The following EDC3 variants were observed in gnomAD, a reference collection of about 807,000 sequenced individuals.
The protein encoded by EDC3 is enhancer of mRNA-decapping protein 3.
Under a neutral mutation model 41.8 loss-of-function variants are expected in EDC3, and 20 were observed. That is an observed-to-expected ratio of 0.48 (90% CI 0.34 to 0.70). The LOEUF (loss-of-function observed/expected upper bound fraction) is 0.70, where lower values mean the gene tolerates loss of function less well. EDC3 is among the 30% of genes least tolerant of loss of function. The probability of loss-of-function intolerance (pLI) is 0.01; values close to 1 mark genes in which losing one functional copy is unlikely to be tolerated. For missense variants in EDC3, 444 were observed against 636.8 expected (o/e 0.70, Z 3.26); for synonymous variants, 206 against 243.2 (o/e 0.85, Z 1.42).
At chr15:74,685,989 T>C (rs2062932576) in intron 1 of EDC3, among the ~76,000 whole-genome samples, 1 of 152,116 alleles carries the variant, frequency 6.6e-6, no homozygotes, top group African/African-American at 2.4e-5. Flanking sequence ...GGTCAGGAGT[T>C]CGAGACCAGC....
intron 3 of EDC3, 102 bp from the exon 4 acceptor site, chr15:74,656,170 G>C: frequency 9.0e-7 from 1 of 1,112,156 alleles, no homozygotes; most frequent in South Asian, 1.6e-5. Context: ...AGGAACCAAT[G>C]TGAAAATGGT....
intron 6 of EDC3, among the ~76,000 whole-genome samples, chr15:74,634,174 C>G (rs2062244062): frequency 6.6e-6 from 1 of 152,214 alleles, no homozygotes; most frequent in Admixed American, 6.5e-5. Flanking sequence ...CACAGAGATG[C>G]TAAATCCAGT....
chr15:74,640,786 C>T (rs74394157), intron 4 of EDC3, 167 bp from the exon 5 acceptor site: 34,402 of 758,014 alleles, frequency 0.045, 1,093 homozygotes, highest in East Asian at 0.13. Context: ...CTCTGCAGAG[C>T]TCAAGTAGTG....
intron 2 of EDC3, among the ~76,000 whole-genome samples, chr15:74,672,027 C>T (rs997543864): frequency 2.6e-5 from 4 of 151,406 alleles, no homozygotes; most frequent in African/African-American, 9.7e-5. Flanking sequence ...TTTGGGAGGC[C>T]GAGGCGGGCG....
intron 1 of EDC3, among the ~76,000 whole-genome samples, chr15:74,690,404 G>A (rs759738251): frequency 8.3e-4 from 65 of 78,024 alleles, no homozygotes; most frequent in Non-Finnish European, 1.1e-3. Context: ...CTAAGGCAGC[G>A]CCCAAATGAT....
chr15:74,638,827 T>TATACTTTCCATTACCTCTAAAATCC (rs2062309226), intron 5 of EDC3: 1 of 152,034 alleles, frequency 6.6e-6, no homozygotes, highest in African/African-American at 2.4e-5. Context: ...TTTCTGACAT[T>TATACTTTCCATTACCTCTAAAATCC]ATACTTTCCA....
At chr15:74,685,850 T>C (rs541651191) in intron 1 of EDC3, among the ~76,000 whole-genome samples, 10 of 152,274 alleles carry the variant, frequency 6.6e-5, no homozygotes, top group African/African-American at 2.4e-4. Flanking sequence ...CAAATACTAA[T>C]TTCAGACATA....
intron 4 of EDC3, among the ~76,000 whole-genome samples, chr15:74,649,041 T>TA (rs2062448908): frequency 6.6e-6 from 1 of 150,718 alleles, no homozygotes; most frequent in African/African-American, 2.4e-5. Flanking sequence ...CACAGGCACA[T>TA]ACCATCACAC....
intron 3 of EDC3, among the ~76,000 whole-genome samples, chr15:74,664,387 C>T (rs1369001719): frequency 6.6e-6 from 1 of 152,282 alleles, no homozygotes; most frequent in Non-Finnish European, 1.5e-5. Flanking sequence ...CTTTACCTTT[C>T]AATTACAAGG....
At chr15:74,677,538 T>C (rs1483433406) in intron 1 of EDC3, among the ~76,000 whole-genome samples, 1 of 151,854 alleles carries the variant, frequency 6.6e-6, no homozygotes, top group Middle Eastern at 3.2e-3. Context: ...TAATTTTTGT[T>C]GTTGTTTTTT....
chr15:74,648,355 G>C (rs749872141), intron 4 of EDC3, among the ~76,000 whole-genome samples: 6 of 152,226 alleles, frequency 3.9e-5, no homozygotes, highest in Non-Finnish European at 7.3e-5. Context: ...CTACGGCTCA[G>C]AGGCAGGAAT....
At position 74,632,695 on chromosome 15, in the gene EDC3, G is replaced by C; in HGVS notation, c.1444C>G (p.Pro482Ala). 1 of 1,614,184 alleles carries C rather than the reference G, an allele frequency of 6.2e-7. No individual in the cohort carries two copies. The highest frequency in any genetic ancestry group is 8.5e-7 in the Non-Finnish European group (1 of 1,180,042). ...GRIYLCDIGI[P>A]QQVFQEVGIN... ...CCCACCTCCTGGAAGACCTGCTGGG[G>C]AATGCCAATGTCGCACAAATAGATA... The change falls in exon 7 of 7, where the codon CCC becomes GCC. Residue 482 changes from proline (P) to alanine (A), a missense_variant. Around this residue, in one of 3 missense-constraint regions of EDC3, gnomAD observed 242 missense variants for 363.8 expected, o/e 0.67. Coordinates refer to ENST00000315127, the MANE Select transcript of EDC3 (RefSeq NM_025083.5). The surrounding 1 kb of genome is among the most constrained non-coding windows in gnomAD (Gnocchi z 4.0).
intron 1 of EDC3, among the ~76,000 whole-genome samples, chr15:74,694,788 C>A (rs956881150): frequency 5.9e-5 from 9 of 152,192 alleles, no homozygotes; most frequent in African/African-American, 1.7e-4. Context: ...TATAATATAT[C>A]TAACTGTGGG....
At chr15:74,675,529 T>C (rs1375652471) in intron 1 of EDC3, among the ~76,000 whole-genome samples, 2 of 150,506 alleles carry the variant, frequency 1.3e-5, no homozygotes, top group Non-Finnish European at 3.0e-5. Flanking sequence ...AATGCCACTC[T>C]TGCTGATGAT....
Position 74,672,674 on chromosome 15 carries a change from G to A in EDC3, c.165-900C>T, listed in dbSNP as rs550697400. On this transcript the variant is annotated intron_variant, in intron 2 of 6. Coordinates refer to ENST00000315127, the MANE Select transcript of EDC3 (RefSeq NM_025083.5). Reference sequence around the variant, plus strand: ...CAACTAAATAGAAATGATTAGTCGGGTGTGGTGGTACGCACCTGCAATCCT... The same window carrying A: ...CAACTAAATAGAAATGATTAGTCGGATGTGGTGGTACGCACCTGCAATCCT... 7.9e-5 allele frequency among the ~76,000 whole-genome samples: 12 copies of A among 152,194 alleles called. No homozygotes were observed. In the South Asian group the frequency reaches 2.3e-3, roughly 29 times the overall value.
rs142442284 is a variant in EDC3 at position 74,661,410 on chromosome 15, C to T, written c.485-5342G>A. Reference sequence around the variant, plus strand: ...GCCAAATCCAACCCACTGCCTGTTTCTGTAAATAAAGTTTTATTGGCGCAC... The same window carrying T: ...GCCAAATCCAACCCACTGCCTGTTTTTGTAAATAAAGTTTTATTGGCGCAC... On this transcript the variant is annotated intron_variant, in intron 3 of 6. Transcript: ENST00000315127. Among the ~76,000 whole-genome samples the T allele has an allele frequency of 4.4e-4, 67 of 152,226 alleles. 1 individual carries two copies. Among genetic ancestry groups the T allele is most frequent in the African/African-American group, 1.5e-3 (61 of 41,532 alleles).
chr15:74,689,906 C>G lies in EDC3; in HGVS notation c.-19+5974G>C, dbSNP rs146045462. Among the ~76,000 whole-genome samples, 6 of 152,244 alleles carry G rather than the reference C, an allele frequency of 3.9e-5. No homozygotes were observed. The East Asian group carries it at 9.6e-4, about 24-fold the overall frequency. Reference sequence around the variant, plus strand: ...GTTCTTATACAAATAAACAAGTTGCCAATTACAAATCTAGCTACTTTGGAA... The same window carrying G: ...GTTCTTATACAAATAAACAAGTTGCGAATTACAAATCTAGCTACTTTGGAA... On this transcript the variant is annotated intron_variant, in intron 1 of 6. Transcript: ENST00000315127.
At chr15:74,682,097 T>G (rs1238439413) in intron 1 of EDC3, among the ~76,000 whole-genome samples, 1 of 152,182 alleles carries the variant, frequency 6.6e-6, no homozygotes, top group Non-Finnish European at 1.5e-5. Flanking sequence ...CATACATTGC[T>G]AGTCCAAATA....
At chr15:74,649,863 G>A (rs565120671) in intron 4 of EDC3, among the ~76,000 whole-genome samples, 1 of 140,246 alleles carries the variant, frequency 7.1e-6, no homozygotes, top group Non-Finnish European at 1.5e-5. Context: ...GAAAAAAAGG[G>A]GGGGGGGGTC....
Sources: gnomAD v4.1 joint callset for allele counts (sites outside exome capture counted in the v4.1 genomes callset) on GRCh38, gnomAD v4.1.1 for gene constraint, gnomAD v4.1.1 regional missense constraint, Gnocchi (gnomAD v3.1) non-coding constraint, MANE v1.5 for transcripts, NCBI Gene and HGNC (gene_info 2026-07-23, HGNC 2026-07-21) for gene names.